The following ADAMTSL1 variants were observed in gnomAD, a reference collection of about 807,000 sequenced individuals.
The protein encoded by ADAMTSL1 is ADAMTS-like protein 1.
Under a neutral mutation model 201.8 loss-of-function variants are expected in ADAMTSL1, and 126 were observed. The ratio of observed to expected loss-of-function variants is 0.62; its 90% CI spans 0.54 to 0.72. The LOEUF (loss-of-function observed/expected upper bound fraction) is 0.72. Among genes scored for constraint, ADAMTSL1 ranks in the 30% least tolerant of loss-of-function variants. The pLI is 0.00. For missense variants in ADAMTSL1, 2,679 were observed against 2,277.8 expected (o/e 1.18, Z -3.59); for synonymous variants, 1,121 against 903.4 (o/e 1.24, Z -4.32).
chr9:18,785,129 A>G (rs919256003), intron 19 of ADAMTSL1, among the ~76,000 whole-genome samples: 3 of 151,808 alleles, frequency 2.0e-5, no homozygotes, highest in African/African-American at 7.3e-5. Context: ...GTGCCACTGC[A>G]TTCTGGCCTG....
At chr9:18,556,010 T>TA (rs141495859) in intron 3 of ADAMTSL1, among the ~76,000 whole-genome samples, 7,617 of 151,566 alleles carry the variant, frequency 0.05, 280 homozygotes, top group African/African-American at 0.11. Flanking sequence ...AAAATACATA[T>TA]AAAAAAAGAA....
At chr9:18,516,904 G>C (rs1378645966) in intron 2 of ADAMTSL1, among the ~76,000 whole-genome samples, 1 of 152,212 alleles carries the variant, frequency 6.6e-6, no homozygotes, top group Admixed American at 6.5e-5. Flanking sequence ...GAAAAATGTT[G>C]TGACTCTCCA....
chr9:18,631,640 C>G (rs192486647), intron 5 of ADAMTSL1, among the ~76,000 whole-genome samples: 2 of 152,246 alleles, frequency 1.3e-5, no homozygotes, highest in African/African-American at 2.4e-5. Flanking sequence ...TCCTCATCAC[C>G]TTTCTCTGAC....
At chr9:18,837,938 A>G (rs982881843) in intron 23 of ADAMTSL1, among the ~76,000 whole-genome samples, 3 of 152,118 alleles carry the variant, frequency 2.0e-5, no homozygotes, top group Admixed American at 6.5e-5. Context: ...TTCCTACTGT[A>G]TCTCTGTGTC....
chr9:18,128,430 A>G (rs1019668362), intron 1 of ADAMTSL1, among the ~76,000 whole-genome samples: 1 of 152,092 alleles, frequency 6.6e-6, no homozygotes, highest in Admixed American at 6.6e-5. Flanking sequence ...TGGTGCAATC[A>G]TGGCTCACTG....
At chr9:18,051,963 A>G (rs1302106556) in intron 1 of ADAMTSL1, among the ~76,000 whole-genome samples, 1 of 152,212 alleles carries the variant, frequency 6.6e-6, no homozygotes, top group African/African-American at 2.4e-5. Flanking sequence ...GATATAGGGA[A>G]GCATCATGGA....
chr9:18,131,380 C>A (rs1483047175), intron 1 of ADAMTSL1, among the ~76,000 whole-genome samples: 8 of 152,010 alleles, frequency 5.3e-5, no homozygotes, highest in African/African-American at 1.9e-4. Context: ...AGAACATGAC[C>A]ACAGCATTAC....
At chr9:18,899,490 G>C (rs1171590030) in intron 26 of ADAMTSL1, among the ~76,000 whole-genome samples, 1 of 152,096 alleles carries the variant, frequency 6.6e-6, no homozygotes, top group Non-Finnish European at 1.5e-5. Context: ...GAGTAGTCAA[G>C]ACAATCCTAA....
At position 18,591,115 on chromosome 9, in the gene ADAMTSL1, A is replaced by G. The variant is rs539404969; in HGVS notation, c.474+16849A>G. Among the ~76,000 whole-genome samples, 36 of 152,234 alleles carry G rather than the reference A, an allele frequency of 2.4e-4. No homozygotes were observed. The East Asian group carries it at 5.8e-3, about 24-fold the overall frequency. ...CTGTCTGGATGATCTGTCCATTGCT[A>G]AAAGTGGGGTGCCCTACTATTTTTG... is the stretch of plus-strand genomic sequence containing the variant. On this transcript the variant is annotated intron_variant, in intron 4 of 28. Coordinates refer to ENST00000380548, the MANE Select transcript of ADAMTSL1 (RefSeq NM_001040272.6).
intron 1 of ADAMTSL1, among the ~76,000 whole-genome samples, chr9:17,928,489 G>C (rs1826645003): frequency 6.6e-6 from 1 of 152,168 alleles, no homozygotes; most frequent in African/African-American, 2.4e-5. Flanking sequence ...CAAATCAACA[G>C]AGCCAAGGAG....
intron 1 of ADAMTSL1, among the ~76,000 whole-genome samples, chr9:18,103,671 T>G (rs74995095): frequency 0.014 from 2,182 of 152,298 alleles, 52 homozygotes; most frequent in African/African-American, 0.05. Context: ...AGTATTTGAG[T>G]GCCTGCTATA....
chr9:18,674,987 G>C (rs926565810), intron 9 of ADAMTSL1, among the ~76,000 whole-genome samples: 1 of 132,008 alleles, frequency 7.6e-6, no homozygotes, highest in Non-Finnish European at 1.7e-5. Flanking sequence ...TGAAATCAGT[G>C]AAGTAGGTCA....
intron 1 of ADAMTSL1, among the ~76,000 whole-genome samples, chr9:18,011,725 A>G (rs915830086): frequency 6.6e-6 from 1 of 152,006 alleles, no homozygotes; most frequent in Non-Finnish European, 1.5e-5. Flanking sequence ...CATTTTGTAG[A>G]TGGGAAGGAA....
At chr9:18,468,199 G>A (rs1398522831) in intron 2 of ADAMTSL1, among the ~76,000 whole-genome samples, 2 of 152,112 alleles carry the variant, frequency 1.3e-5, no homozygotes, top group Non-Finnish European at 2.9e-5. Flanking sequence ...ACAAACCTCT[G>A]AGATCTGTGC....
intron 2 of ADAMTSL1, among the ~76,000 whole-genome samples, chr9:18,525,927 TG>T (rs1343997434): frequency 6.6e-6 from 1 of 152,234 alleles, no homozygotes; most frequent in Non-Finnish European, 1.5e-5. Flanking sequence ...TCTGTTGATT[TG>T]GGGTGGAGAG....
intron 2 of ADAMTSL1, among the ~76,000 whole-genome samples, chr9:18,532,904 C>T (rs1471279218): frequency 1.3e-5 from 2 of 151,722 alleles, no homozygotes; most frequent in Non-Finnish European, 2.9e-5. Context: ...AATATATCTT[C>T]AATTTTATAT....
At chr9:18,149,100 A>T (rs1826787518) in intron 1 of ADAMTSL1, among the ~76,000 whole-genome samples, 1 of 152,012 alleles carries the variant, frequency 6.6e-6, no homozygotes, top group South Asian at 2.1e-4. Context: ...GATTCCCCAA[A>T]CTTTGGAGAG....
rs146772804 is a variant in ADAMTSL1, at chr9:18,253,593, G to T, written c.207+89612G>T. Among the ~76,000 whole-genome samples the T allele has an allele frequency of 1.6e-4, 24 of 152,300 alleles. No homozygotes were observed. In the East Asian group the frequency reaches 4.1e-3, roughly 26 times the overall value. ...CAAAAAATTGTAAGTGACCTGGGTTGTATATCTCTCACTGCTCTGTGGGCA... is the reference window on the plus strand; with the variant it reads ...CAAAAAATTGTAAGTGACCTGGGTTTTATATCTCTCACTGCTCTGTGGGCA... On this transcript the variant is annotated intron_variant, in intron 2 of 29. Transcript: ENST00000680146.
intron 2 of ADAMTSL1, among the ~76,000 whole-genome samples, chr9:18,532,818 A>T (rs976309104): frequency 1.3e-5 from 2 of 151,666 alleles, no homozygotes; most frequent in African/African-American, 4.8e-5. Flanking sequence ...ACATTCTTAG[A>T]ATTATGATTT....
Sources: allele counts gnomAD v4.1 joint callset (sites outside exome capture counted in the v4.1 genomes callset), GRCh38; gene constraint gnomAD v4.1.1; transcripts MANE v1.5; gene names NCBI Gene and HGNC (gene_info 2026-07-23, HGNC 2026-07-21).